GKAP1: variants seen among roughly 807,000 people sequenced by gnomAD.
GKAP1 encodes the protein G kinase anchoring protein 1.
In GKAP1, 31 loss-of-function variants were observed where a neutral mutation model predicts 56.7. The observed-to-expected ratio is 0.55, with a 90% confidence interval of 0.41 to 0.74. The LOEUF is 0.74. Ranked by LOEUF, GKAP1 falls within the 30% of genes least tolerant of loss-of-function variation. The pLI, the probability that GKAP1 is intolerant of heterozygous loss-of-function variation, is 0.00. For synonymous variants in GKAP1, 151 were observed against 138.6 expected (o/e 1.09, Z -0.63); for missense variants, 364 against 402.3 (o/e 0.90, Z 0.82).
chr9:83,800,375 C>T (rs1184413909), intron 3 of GKAP1, among the ~76,000 whole-genome samples: 1 of 139,040 alleles, frequency 7.2e-6, no homozygotes, highest in Non-Finnish European at 1.5e-5. Context: ...CTCGCTCTGT[C>T]GCCAGCTGGA....
intron 10 of GKAP1, among the ~76,000 whole-genome samples, chr9:83,747,926 T>C (rs1188626495): frequency 6.6e-6 from 1 of 152,160 alleles, no homozygotes; most frequent in African/African-American, 2.4e-5. Flanking sequence ...TGAGCCACCA[T>C]GCTTGGCCAA....
At chr9:83,805,777 C>CT (rs1453024473) in intron 3 of GKAP1, among the ~76,000 whole-genome samples, 1 of 152,154 alleles carries the variant, frequency 6.6e-6, no homozygotes, top group Non-Finnish European at 1.5e-5. Flanking sequence ...CTATTTTAAA[C>CT]TTTATGCAAT....
intron 2 of GKAP1, among the ~76,000 whole-genome samples, chr9:83,808,843 C>T (rs1363648224): frequency 1.3e-5 from 2 of 152,202 alleles, no homozygotes; most frequent in African/African-American, 2.4e-5. Flanking sequence ...GAAATATAAA[C>T]TTTAAAAAGC....
intron 7 of GKAP1, among the ~76,000 whole-genome samples, chr9:83,773,327 A>G (rs1294243908): frequency 6.6e-6 from 1 of 152,178 alleles, no homozygotes; most frequent in African/African-American, 2.4e-5. Context: ...GCAAATCTCT[A>G]GAGACAGAAA....
intron 7 of GKAP1, among the ~76,000 whole-genome samples, chr9:83,769,963 C>T (rs980247576): frequency 6.6e-6 from 1 of 152,190 alleles, no homozygotes; most frequent in African/African-American, 2.4e-5. Context: ...GCGAATGGTG[C>T]TGAACATCCC....
chr9:83,810,531 C>T (rs1326309090), intron 2 of GKAP1, among the ~76,000 whole-genome samples: 4 of 152,132 alleles, frequency 2.6e-5, no homozygotes, highest in African/African-American at 4.8e-5. Flanking sequence ...TAGTTCAGTA[C>T]AGACACCTTT....
chr9:83,812,330 CGT>C (rs1564218679), intron 2 of GKAP1, among the ~76,000 whole-genome samples: 1 of 146,764 alleles, frequency 6.8e-6, no homozygotes, highest in Non-Finnish European at 1.5e-5. Context: ...TATATACACA[CGT>C]ATATATATAC....
intron 7 of GKAP1, among the ~76,000 whole-genome samples, chr9:83,779,048 T>C (rs1490761079): frequency 2.6e-5 from 4 of 152,062 alleles, no homozygotes; most frequent in Admixed American, 1.3e-4. Context: ...AGAGTTGTCT[T>C]AGGAGCAGGT....
intron 3 of GKAP1, among the ~76,000 whole-genome samples, chr9:83,803,026 T>G (rs1011536452): frequency 2.6e-5 from 4 of 152,024 alleles, no homozygotes; most frequent in African/African-American, 9.7e-5. Context: ...GGAGGATCAC[T>G]TGAGCCTGGG....
At chr9:83,746,090 C>A (rs1410930198) in intron 10 of GKAP1, among the ~76,000 whole-genome samples, 1 of 152,004 alleles carries the variant, frequency 6.6e-6, no homozygotes, top group African/African-American at 2.4e-5. Context: ...TGCGCCTGGC[C>A]TCCCCCCATA....
chr9:83,745,504 G>A (rs73480178), intron 10 of GKAP1, among the ~76,000 whole-genome samples: 87 of 152,186 alleles, frequency 5.7e-4, no homozygotes, highest in African/African-American at 1.9e-3. Flanking sequence ...TACTGATAGC[G>A]ATTTTTAATC....
chr9:83,803,993 G>C (rs561442331), intron 3 of GKAP1, among the ~76,000 whole-genome samples: 1 of 149,786 alleles, frequency 6.7e-6, no homozygotes, highest in Non-Finnish European at 1.5e-5. Flanking sequence ...CCCCGTCTGA[G>C]AAGTGAGGAG....
chr9:83,800,525 G>GT (rs914454449), intron 3 of GKAP1, among the ~76,000 whole-genome samples: 2 of 151,966 alleles, frequency 1.3e-5, no homozygotes, highest in Non-Finnish European at 2.9e-5. Context: ...GTACAGATGG[G>GT]TTTTCACCAT....
chr9:83,759,123 C>T (rs1440257847), intron 8 of GKAP1, among the ~76,000 whole-genome samples: 2 of 152,144 alleles, frequency 1.3e-5, no homozygotes, highest in South Asian at 2.1e-4. Flanking sequence ...ACCTTGGCAG[C>T]CCCTCCCCAA....
intron 4 of GKAP1, among the ~76,000 whole-genome samples, chr9:83,797,982 T>A (rs1332747859): frequency 6.6e-6 from 1 of 152,174 alleles, no homozygotes; most frequent in Non-Finnish European, 1.5e-5. Flanking sequence ...CTAGAAACAG[T>A]ACAAGATGAT....
At chr9:83,770,985 G>C (rs1345921660) in intron 7 of GKAP1, among the ~76,000 whole-genome samples, 1 of 152,082 alleles carries the variant, frequency 6.6e-6, no homozygotes, top group Admixed American at 6.6e-5. Flanking sequence ...CCAAGAAAAG[G>C]AGCATTTCCT....
intron 5 of GKAP1, among the ~76,000 whole-genome samples, chr9:83,788,367 G>A (rs966004765): frequency 6.6e-6 from 1 of 152,124 alleles, no homozygotes; most frequent in Admixed American, 6.5e-5. Context: ...CTTGGGTGGG[G>A]AAATTCCTTA....
chr9:83,799,355 A>C, intron 3 of GKAP1, 27 bp from the exon 4 acceptor site: 1 of 1,504,720 alleles, frequency 6.6e-7, no homozygotes, highest in Non-Finnish European at 9.0e-7. Flanking sequence ...AAATATATTA[A>C]ATTCAGTTTA....
At chr9:83,754,769 A>G (rs1019366782) in intron 8 of GKAP1, among the ~76,000 whole-genome samples, 1 of 152,230 alleles carries the variant, frequency 6.6e-6, no homozygotes, top group Non-Finnish European at 1.5e-5. Flanking sequence ...TATTCTGAGT[A>G]AAACAGAAAG....
Sources: gnomAD v4.1 joint callset for allele counts (sites outside exome capture counted in the v4.1 genomes callset) on GRCh38, gnomAD v4.1.1 for gene constraint, MANE v1.5 for transcripts, NCBI Gene and HGNC (gene_info 2026-07-23, HGNC 2026-07-21) for gene names.